Variants in MACROD2 observed in about 807,000 individuals in gnomAD.
The protein encoded by MACROD2 is ADP-ribose glycohydrolase MACROD2.
A neutral mutation model predicts 70.4 loss-of-function variants in MACROD2; 36 were observed. The observed-to-expected ratio is 0.51, with a 90% confidence interval of 0.39 to 0.68. MACROD2 has a LOEUF of 0.68. Ranked by LOEUF, MACROD2 falls within the 30% of genes least tolerant of loss-of-function variation. The probability of loss-of-function intolerance (pLI) is 0.00; values close to 1 mark genes in which losing one functional copy is unlikely to be tolerated. For synonymous variants in MACROD2, 172 were observed against 178.8 expected (o/e 0.96, Z 0.30); for missense variants, 496 against 538.4 (o/e 0.92, Z 0.78).
In MACROD2 at chr20:14,287,555, T is replaced by C. The variant is rs541633173; in HGVS notation, c.271+201827T>C. Reference sequence around the variant, plus strand: ...TTAATAAACTAGTTTTCTATTACTATGTAATAAATTACCACAAACTTAGGG... The same window carrying C: ...TTAATAAACTAGTTTTCTATTACTACGTAATAAATTACCACAAACTTAGGG... On this transcript the variant is annotated intron_variant, in intron 3 of 17. Coordinates refer to ENST00000684519, the MANE Select transcript of MACROD2 (RefSeq NM_001351661.2). 1.4e-4 allele frequency among the ~76,000 whole-genome samples: 21 copies of C among 152,338 alleles called. No homozygotes were observed. The East Asian group carries it at 3.9e-3, about 28-fold the overall frequency.
In MACROD2 at chr20:15,489,068, C is replaced by A. The variant is rs138064499; in HGVS notation, c.572-10706C>A. Among the ~76,000 whole-genome samples, 149 of 152,266 alleles carry A rather than the reference C, an allele frequency of 9.8e-4. 1 individual carries two copies. The highest frequency in any genetic ancestry group is 3.3e-3 in the African/African-American group (138 of 41,540). ...CCTATAAAAATGCAGTTCATTTATACCTGTTTTGCAGAGCAGAGGAAACAC... is the reference window on the plus strand; with the variant it reads ...CCTATAAAAATGCAGTTCATTTATAACTGTTTTGCAGAGCAGAGGAAACAC... On this transcript the variant is annotated intron_variant, in intron 7 of 17. Transcript: ENST00000684519.
rs140155781 is a variant in MACROD2 at position 14,316,356 on chromosome 20, G to A, written c.272-177123G>A. ...ATTAAACGTTTTGAGATTTAATCCT[G>A]AAAATGCTTTCTAGTTATCTCAGTA... On this transcript the variant is annotated intron_variant, in intron 3 of 17. Coordinates refer to ENST00000684519, the MANE Select transcript of MACROD2 (RefSeq NM_001351661.2). 1.5e-3 allele frequency among the ~76,000 whole-genome samples: 222 copies of A among 152,266 alleles called. 2 individuals carry two copies. The highest frequency in any genetic ancestry group is 5.2e-3 in the African/African-American group (215 of 41,564).
At chr20:14,669,182 T>C (rs2070768518) in intron 4 of MACROD2, among the ~76,000 whole-genome samples, 1 of 152,188 alleles carries the variant, frequency 6.6e-6, no homozygotes, top group Non-Finnish European at 1.5e-5. Flanking sequence ...GTGTGTAGTT[T>C]GGAGAAACGG....
chr20:14,256,143 G>A (rs868767563), intron 3 of MACROD2, among the ~76,000 whole-genome samples: 18 of 151,810 alleles, frequency 1.2e-4, no homozygotes, highest in African/African-American at 3.4e-4. Flanking sequence ...AAATCTGTCC[G>A]TATTCTAGTT....
At chr20:14,399,704 A>G (rs1281580861) in intron 3 of MACROD2, among the ~76,000 whole-genome samples, 1 of 152,096 alleles carries the variant, frequency 6.6e-6, no homozygotes, top group Non-Finnish European at 1.5e-5. Flanking sequence ...ACATGCATGC[A>G]TATTAGGTTG....
chr20:15,207,125 A>G (rs986851923), intron 5 of MACROD2, among the ~76,000 whole-genome samples: 6 of 152,082 alleles, frequency 3.9e-5, no homozygotes, highest in Non-Finnish European at 8.8e-5. Flanking sequence ...TAGTTCTTCC[A>G]TTCTCCCATA....
chr20:15,688,787 G>C (rs1324362374), intron 8 of MACROD2, among the ~76,000 whole-genome samples: 1 of 152,164 alleles, frequency 6.6e-6, no homozygotes, highest in Admixed American at 6.5e-5. Flanking sequence ...GAAGAGGCAA[G>C]GGCAAGGAAT....
chr20:15,528,115 G>T (rs2047745663), intron 8 of MACROD2, among the ~76,000 whole-genome samples: 1 of 149,572 alleles, frequency 6.7e-6, no homozygotes, highest in South Asian at 2.2e-4. Context: ...TAGCCCTCCA[G>T]GGGTATTTGG....
At position 15,803,686 on chromosome 20, in the gene MACROD2, G is replaced by A. The variant is rs143629341; in HGVS notation, c.646-59059G>A. Among the ~76,000 whole-genome samples the A allele has an allele frequency of 1.7e-3, 259 of 152,144 alleles. 1 individual carries two copies. Among genetic ancestry groups the A allele is most frequent in the Non-Finnish European group, 2.8e-3 (188 of 67,996 alleles). ...CTTCTCCACTAGCTATTTCTTACAGGGACATTCTGTCATGGTGAGCTCAGG... is the reference window on the plus strand; with the variant it reads ...CTTCTCCACTAGCTATTTCTTACAGAGACATTCTGTCATGGTGAGCTCAGG... On this transcript the variant is annotated intron_variant, in intron 8 of 17. Coordinates refer to ENST00000684519, the MANE Select transcript of MACROD2 (RefSeq NM_001351661.2).
chr20:15,893,850 ATAAAGG>A, intron 10 of MACROD2: 1 of 456,832 alleles, frequency 2.2e-6, no homozygotes, highest in Middle Eastern at 3.3e-4. Context: ...GAAGTGCAGG[ATAAAGG>A]TGAGAGAAAT....
At chr20:15,673,069 A>G (rs550540667) in intron 8 of MACROD2, among the ~76,000 whole-genome samples, 23 of 152,078 alleles carry the variant, frequency 1.5e-4, no homozygotes, top group Non-Finnish European at 8.8e-5. Context: ...TCTTTCTTTT[A>G]TGAATTACCC....
At chr20:15,377,057 A>AT (rs2045195565) in intron 6 of MACROD2, among the ~76,000 whole-genome samples, 1 of 151,716 alleles carries the variant, frequency 6.6e-6, no homozygotes, top group African/African-American at 2.4e-5. Context: ...TGCCTGGCTA[A>AT]TTTTTTGTAT....
At chr20:14,339,092 G>A (rs1349739328) in intron 3 of MACROD2, among the ~76,000 whole-genome samples, 4 of 152,092 alleles carry the variant, frequency 2.6e-5, no homozygotes, top group African/African-American at 9.7e-5. Flanking sequence ...ATTTGATTGT[G>A]GTCTCTTCAT....
At chr20:14,599,843 G>A (rs1035794903) in intron 4 of MACROD2, among the ~76,000 whole-genome samples, 2 of 152,116 alleles carry the variant, frequency 1.3e-5, no homozygotes, top group South Asian at 2.1e-4. Flanking sequence ...ATAGGGAGGC[G>A]GACAGGGGAG....
chr20:16,015,144 G>A (rs947667670), intron 15 of MACROD2, among the ~76,000 whole-genome samples: 1 of 152,038 alleles, frequency 6.6e-6, no homozygotes, highest in Non-Finnish European at 1.5e-5. Flanking sequence ...TAGAAACCTG[G>A]TCATTTGTTT....
chr20:14,362,646 A>G (rs1335540579), intron 3 of MACROD2, among the ~76,000 whole-genome samples: 1 of 152,130 alleles, frequency 6.6e-6, no homozygotes, highest in Non-Finnish European at 1.5e-5. Flanking sequence ...CATCCCCAGG[A>G]ATCTTTGATC....
Position 14,002,175 on chromosome 20 carries a change from C to T in MACROD2, c.47-113C>T, listed in dbSNP as rs759746038. The T allele has an allele frequency of 7.7e-5, 43 of 557,466 alleles. 1 individual carries two copies. The highest frequency in any genetic ancestry group is 1.0e-4 in the Non-Finnish European group (33 of 330,790). 34.5% of individuals were successfully genotyped at this position (557,466 alleles called of 1,614,324 possible). A position where few individuals can be genotyped will look rare whatever the true frequency, so the allele number is the denominator to read the frequency against. On this transcript the variant is annotated intron_variant, in intron 1 of 17. Transcript: ENST00000684519. ...GTCACTGGATTTGCATTGTGTTCTT[C>T]AGGACTGTATCAACTCTTTTGTTAG...
chr20:15,155,820 A>T (rs886414175), intron 5 of MACROD2, among the ~76,000 whole-genome samples: 1 of 151,406 alleles, frequency 6.6e-6, no homozygotes, highest in South Asian at 2.1e-4. Context: ...CTCTGTATTT[A>T]TATCTAGCAT....
intron 12 of MACROD2, among the ~76,000 whole-genome samples, chr20:15,940,170 T>C (rs764520163): frequency 1.2e-4 from 19 of 152,248 alleles, no homozygotes; most frequent in Admixed American, 9.8e-4. Flanking sequence ...CTTGGCTCAC[T>C]GCAACCTCCG....
Sources: gnomAD v4.1 joint callset for allele counts (sites outside exome capture counted in the v4.1 genomes callset) on GRCh38, gnomAD v4.1.1 for gene constraint, MANE v1.5 for transcripts, NCBI Gene and HGNC (gene_info 2026-07-23, HGNC 2026-07-21) for gene names.